The following SLC30A5 variants were observed in gnomAD, a reference collection of about 807,000 sequenced individuals.
SLC30A5 encodes solute carrier family 30 member 5, also known as proton-coupled zinc antiporter SLC30A5.
A neutral mutation model predicts 79.6 loss-of-function variants in SLC30A5; 33 were observed. That is an observed-to-expected ratio of 0.41 (90% CI 0.31 to 0.55). The LOEUF is 0.55. Ranked by LOEUF, SLC30A5 falls within the 20% of genes least tolerant of loss-of-function variation. The pLI, the probability that SLC30A5 is intolerant of heterozygous loss-of-function variation, is 0.20. For missense variants in SLC30A5, 788 were observed against 928.1 expected (o/e 0.85, Z 1.96); for synonymous variants, 299 against 319.7 (o/e 0.94, Z 0.69).
At chr5:69,123,118 C>A in intron 13 of SLC30A5, 81 bp from the exon 14 acceptor site, 2 of 890,254 alleles carry the variant, frequency 2.2e-6, no homozygotes, top group Non-Finnish European at 3.4e-6. Context: ...CAGTAGGTAT[C>A]CAGTAATATT....
At chr5:69,095,943 C>T (rs1358712763) in intron 1 of SLC30A5, among the ~76,000 whole-genome samples, 4 of 151,958 alleles carry the variant, frequency 2.6e-5, no homozygotes, top group Non-Finnish European at 4.4e-5. Flanking sequence ...GTGGTATGCG[C>T]CTGTAATCCC....
chr5:69,106,533 T>C (rs903457095), intron 4 of SLC30A5, among the ~76,000 whole-genome samples: 8 of 152,086 alleles, frequency 5.3e-5, no homozygotes, highest in African/African-American at 1.4e-4. Flanking sequence ...ATTATGCAGT[T>C]TCTCAATTGC....
chr5:69,113,787 A>G (rs164392), intron 6 of SLC30A5, among the ~76,000 whole-genome samples: 26,985 of 152,090 alleles, frequency 0.18, 2,870 homozygotes, highest in East Asian at 0.38. Flanking sequence ...ATCCAGCAGA[A>G]CTCCAAGCAC....
intron 14 of SLC30A5, among the ~76,000 whole-genome samples, chr5:69,123,820 A>G (rs1307560287): frequency 6.6e-6 from 1 of 152,178 alleles, no homozygotes; most frequent in African/African-American, 2.4e-5. Context: ...GAATAAGAAA[A>G]CATACATAAA....
intron 14 of SLC30A5, 121 bp downstream of exon 14, chr5:69,123,546 T>A: frequency 1.4e-6 from 1 of 706,660 alleles, no homozygotes; most frequent in Non-Finnish European, 2.4e-6. Context: ...AAAAGAAATA[T>A]AAAGTAGCAT....
chr5:69,116,359 G>A lies in SLC30A5; in HGVS notation c.1073-35G>A, dbSNP rs754135174. The A allele has an allele frequency of 2.9e-5, 44 of 1,533,826 alleles. No individual in the cohort carries two copies. The highest frequency in any genetic ancestry group is 9.1e-5 in the East Asian group (4 of 44,004). ...TGTTGGTTTTGGTAGCTTAAACTTCGAAAATTTAAACAATATTGTTTTTTC... is the reference window on the plus strand; with the variant it reads ...TGTTGGTTTTGGTAGCTTAAACTTCAAAAATTTAAACAATATTGTTTTTTC... On this transcript the variant is annotated intron_variant, in intron 9 of 15. Coordinates refer to ENST00000396591, the MANE Select transcript of SLC30A5 (RefSeq NM_022902.5). The surrounding 1 kb of genome is among the most constrained non-coding windows in gnomAD (Gnocchi z 4.0).
Position 69,115,909 on chromosome 5 carries a change from T to C in SLC30A5, c.784-17T>C, listed in dbSNP as rs1300123325. ...TATACATGTATAGTCTTGACAATTC[T>C]TTTTTTTAATTTCTAGAGTAAAGTG... On this transcript the variant is annotated splice_polypyrimidine_tract_variant and intron_variant, in intron 8 of 15. Transcript: ENST00000396591. The C allele has an allele frequency of 6.4e-7, 1 of 1,568,296 alleles. No homozygotes were observed. Among genetic ancestry groups the C allele is most frequent in the Non-Finnish European group, 8.7e-7 (1 of 1,152,662 alleles).
intron 1 of SLC30A5, among the ~76,000 whole-genome samples, chr5:69,095,120 A>C (rs1745684327): frequency 6.6e-6 from 1 of 151,862 alleles, no homozygotes; most frequent in South Asian, 2.1e-4. Flanking sequence ...TCTGGAATAA[A>C]TACTTCTTTG....
At chr5:69,115,859 G>A in intron 8 of SLC30A5, 67 bp from the exon 9 acceptor site, 1 of 1,293,060 alleles carries the variant, frequency 7.7e-7, no homozygotes, top group Non-Finnish European at 1.1e-6. Flanking sequence ...AAGATTAACA[G>A]AAACATCTTG....
intron 14 of SLC30A5, among the ~76,000 whole-genome samples, chr5:69,124,790 G>A (rs1746630314): frequency 6.6e-6 from 1 of 152,074 alleles, no homozygotes; most frequent in Non-Finnish European, 1.5e-5. Context: ...GGCTGGTCTT[G>A]AACTCCTGAC....
intron 4 of SLC30A5, among the ~76,000 whole-genome samples, chr5:69,107,676 T>G (rs1308252002): frequency 2.0e-5 from 3 of 152,080 alleles, no homozygotes; most frequent in African/African-American, 7.2e-5. Flanking sequence ...ATCGTATATA[T>G]GTGGTCTACC....
At position 69,113,189 on chromosome 5, in the gene SLC30A5, T is replaced by G. The variant is rs371703411; in HGVS notation, c.497T>G (p.Phe166Cys). ...FIIAVICLLL[F>C]DNDDLMAKMA... ...ATTGCTGTGATCTGTTTATTGCTTT[T>G]TGACAATGATGATCTCATGGCTAAA... Residue 166 changes from phenylalanine to cysteine, a missense_variant, in exon 6 of 16, where the codon TTT becomes TGT. This residue lies in a region of SLC30A5 where 626 missense variants were observed against 755.5 expected (regional missense o/e 0.83). Coordinates refer to ENST00000396591, the MANE Select transcript of SLC30A5 (RefSeq NM_022902.5). 6.2e-7 allele frequency: 1 copy of G among 1,613,616 alleles called. No homozygotes were observed. The highest frequency in any genetic ancestry group is 8.5e-7 in the Non-Finnish European group (1 of 1,179,880).
At chr5:69,100,703 A>C in intron 1 of SLC30A5, 104 bp from the exon 2 acceptor site, 2 of 895,640 alleles carry the variant, frequency 2.2e-6, no homozygotes, top group Non-Finnish European at 3.4e-6. Flanking sequence ...GTGTTTATGT[A>C]TATTTCTGTG....
At chr5:69,125,441 G>A (rs371754666) in intron 14 of SLC30A5, among the ~76,000 whole-genome samples, 4 of 151,894 alleles carry the variant, frequency 2.6e-5, no homozygotes, top group Admixed American at 6.6e-5. Flanking sequence ...CAGTAGAATC[G>A]CTTGAACCCA....
In SLC30A5 at chr5:69,127,375, T is replaced by C. The variant is rs536159840; in HGVS notation, c.1999-629T>C. Reference sequence around the variant, plus strand: ...TGGGCACGGTGGTCCACACCTATAATCCTAGCACTTCGGGAGGCTGAGGTG... The same window carrying C: ...TGGGCACGGTGGTCCACACCTATAACCCTAGCACTTCGGGAGGCTGAGGTG... On this transcript the variant is annotated intron_variant, in intron 14 of 15. Transcript: ENST00000396591. 3.3e-5 allele frequency among the ~76,000 whole-genome samples: 5 copies of C among 150,522 alleles called. No homozygotes were observed. The South Asian group carries it at 1.0e-3, about 31-fold the overall frequency.
In SLC30A5 at chr5:69,100,852, G is replaced by A. The variant is rs979841580; in HGVS notation, c.129G>A (p.Lys43=). ...IVLLCFTKFL[K]AVGLFESYDL... is the part of the protein sequence containing the mutation. ...TACTATGTTTCACTAAATTTTTGAA[G>A]GCTGTGGGACTTTTCGAATCATATG... Residue 43 remains lysine (K), a synonymous_variant, in exon 2 of 16, where the codon AAG becomes AAA. Transcript: ENST00000396591. 6.2e-6 allele frequency: 10 copies of A among 1,608,518 alleles called. No homozygotes were observed. Among genetic ancestry groups the A allele is most frequent in the African/African-American group, 2.7e-5 (2 of 74,724 alleles).
At chr5:69,126,252 A>C (rs1327894030) in intron 14 of SLC30A5, among the ~76,000 whole-genome samples, 1 of 152,158 alleles carries the variant, frequency 6.6e-6, no homozygotes, top group Non-Finnish European at 1.5e-5. Flanking sequence ...AAAATTAGTA[A>C]AGTTATCTCA....
chr5:69,123,219 G>A lies in SLC30A5; in HGVS notation c.1792G>A (p.Ala598Thr). ...NMRGVFLHVLADTLGSIGVIV... is the reference protein window; with the variant it reads ...NMRGVFLHVLTDTLGSIGVIV... ...TGTAGGTGTATTTCTACATGTTTTG[G>A]CAGATACACTTGGCAGCATTGGTGT... The change falls in exon 14 of 16, where the codon GCA becomes ACA. Residue 598 changes from alanine (A) to threonine (T), a missense_variant. This residue lies in a region of SLC30A5 where 626 missense variants were observed against 755.5 expected (regional missense o/e 0.83). Transcript: ENST00000396591. The A allele has an allele frequency of 6.2e-7, 1 of 1,603,250 alleles. No individual in the cohort carries two copies. The highest frequency in any genetic ancestry group is 8.5e-7 in the Non-Finnish European group (1 of 1,173,644).
chr5:69,117,048 A>G lies in SLC30A5; in HGVS notation c.1282-191A>G, dbSNP rs139751030. Among the ~76,000 whole-genome samples, 287 of 152,332 alleles carry G rather than the reference A, an allele frequency of 1.9e-3. No individual in the cohort carries two copies. Among genetic ancestry groups the G allele is most frequent in the Non-Finnish European group, 2.6e-3 (179 of 68,034 alleles). On this transcript the variant is annotated intron_variant, in intron 10 of 15. Coordinates refer to ENST00000396591, the MANE Select transcript of SLC30A5 (RefSeq NM_022902.5). ...ATTTATCTTAGTTTTTTACAATTTA[A>G]TAGTTTGTAAAATGGGTTTATCTTA...
Sources: allele counts gnomAD v4.1 joint callset (sites outside exome capture counted in the v4.1 genomes callset), GRCh38; gene constraint gnomAD v4.1.1; regional missense constraint gnomAD v4.1.1; non-coding constraint Gnocchi (gnomAD v3.1); transcripts MANE v1.5; gene names NCBI Gene and HGNC (gene_info 2026-07-23, HGNC 2026-07-21).